COX15: variants seen among roughly 807,000 people sequenced by gnomAD.
COX15 encodes the protein cytochrome c oxidase assembly factor COX15, also known as heme A synthase COX15.
Under a neutral mutation model 51.9 loss-of-function variants are expected in COX15, and 51 were observed. That is an observed-to-expected ratio of 0.98 (90% CI 0.78 to 1.24). The LOEUF is 1.24. Among genes scored for constraint, COX15 ranks in the 50% most tolerant of loss-of-function variants. COX15 has a pLI of 0.00. For synonymous variants in COX15, 188 were observed against 190.5 expected (o/e 0.99, Z 0.11); for missense variants, 420 against 501.1 (o/e 0.84, Z 1.55).
Position 99,732,083 on chromosome 10 carries a change from C to T in COX15, c.-34G>A, listed in dbSNP as rs560511765. 3.1e-6 allele frequency: 5 copies of T among 1,602,314 alleles called. No individual in the cohort carries two copies. In the South Asian group the frequency reaches 4.5e-5, roughly 14 times the overall value. On this transcript the variant is annotated 5_prime_UTR_variant, in exon 1 of 9. Coordinates refer to ENST00000016171, the MANE Select transcript of COX15 (RefSeq NM_078470.6). ...CAGGGAACAGCCACCTCTTCCACAA[C>T]CCAGGGCTCTGTGGTCTCCCTCCTC...
chr10:99,713,170 A>G lies in COX15; in HGVS notation c.*1417T>C. On this transcript the variant is annotated 3_prime_UTR_variant, in exon 9 of 9. Transcript: ENST00000016171. ...ACCACTAATTTTTCTGTTATCATAT[A>G]ATAACAACATGAATACTACTTGGTT... is the stretch of plus-strand genomic sequence containing the variant. 1 of 1,355,570 alleles carries G rather than the reference A, an allele frequency of 7.4e-7. No homozygotes were observed. The highest frequency in any genetic ancestry group is 9.5e-7 in the Non-Finnish European group (1 of 1,047,314). The allele number at this position is 1,355,570 out of a possible 1,614,324, so 84.0% of individuals were successfully genotyped here. A position where few individuals can be genotyped will look rare whatever the true frequency, so the allele number is the denominator to read the frequency against.
At chr10:99,725,704 C>A (rs1408989176) in intron 4 of COX15, among the ~76,000 whole-genome samples, 2 of 152,176 alleles carry the variant, frequency 1.3e-5, no homozygotes, top group African/African-American at 4.8e-5. Flanking sequence ...GGACTACAGG[C>A]CCACGCCAGC....
At chr10:99,709,043 T>G (rs1263281719), downstream of COX15, 1 of 983,326 alleles carries the variant, frequency 1.0e-6, no homozygotes, top group African/African-American at 1.7e-5. Context: ...CTACATCTAT[T>G]CTTGTTCCTG....
chr10:99,720,501 C>T (rs925634754), intron 6 of COX15, among the ~76,000 whole-genome samples: 7 of 152,146 alleles, frequency 4.6e-5, no homozygotes, highest in African/African-American at 1.7e-4. Flanking sequence ...GAACTCTCCA[C>T]CTGCAACCAT....
At position 99,710,965 on chromosome 10, in the gene COX15, C is replaced by A. The variant is rs2036363220; in HGVS notation, c.*3622G>T. ...AAATATTAAGGGAAATCTATTTAATCCTATAGGTATGTGATGACTTGTTTT... is the reference window on the plus strand; with the variant it reads ...AAATATTAAGGGAAATCTATTTAATACTATAGGTATGTGATGACTTGTTTT... On this transcript the variant is annotated 3_prime_UTR_variant, in exon 9 of 9. Coordinates refer to ENST00000016171, the MANE Select transcript of COX15 (RefSeq NM_078470.6). 1.0e-6 allele frequency: 1 copy of A among 985,122 alleles called. No homozygotes were observed. The highest frequency in any genetic ancestry group is 1.7e-5 in the African/African-American group (1 of 57,176). 61.0% of individuals were successfully genotyped at this position (985,122 alleles called of 1,614,324 possible).
chr10:99,713,744 C>A lies in COX15; in HGVS notation c.*843G>T. ...CAGCACTTTGGGAAGCCGAGATGGG[C>A]GGATTACCTGAGGTCAGGAGTTCAA... On this transcript the variant is annotated 3_prime_UTR_variant, in exon 9 of 9. Transcript: ENST00000016171. 8.0e-6 allele frequency: 4 copies of A among 501,018 alleles called. No homozygotes were observed. The highest frequency in any genetic ancestry group is 1.0e-5 in the Non-Finnish European group (3 of 294,858). 31.0% of individuals were successfully genotyped at this position (501,018 alleles called of 1,614,324 possible). A position where few individuals can be genotyped will look rare whatever the true frequency, so the allele number is the denominator to read the frequency against.
In COX15 at chr10:99,719,680, G is replaced by A. The variant is rs1211766061; in HGVS notation, c.833-1180C>T. Reference sequence around the variant, plus strand: ...TAATTTTTGTATTTTTTGTAGAGACGAGGTTTCACCATGTTGCCCAGGCTG... The same window carrying A: ...TAATTTTTGTATTTTTTGTAGAGACAAGGTTTCACCATGTTGCCCAGGCTG... On this transcript the variant is annotated intron_variant, in intron 6 of 8. Coordinates refer to ENST00000016171, the MANE Select transcript of COX15 (RefSeq NM_078470.6). Among the ~76,000 whole-genome samples the A allele has an allele frequency of 5.3e-5, 8 of 151,952 alleles. No homozygotes were observed. The East Asian group carries it at 1.2e-3, about 22-fold the overall frequency.
chr10:99,702,474 TTC>T, the COX15 span: 1 of 1,495,322 alleles, frequency 6.7e-7, no homozygotes, highest in Non-Finnish European at 8.9e-7. Flanking sequence ...TAGAATTCTT[TTC>T]TCTTTTTTTA....
chr10:99,724,563 C>T (rs1355037783), intron 4 of COX15, among the ~76,000 whole-genome samples: 8 of 151,682 alleles, frequency 5.3e-5, no homozygotes, highest in Admixed American at 3.3e-4. Context: ...CTCCCCAATA[C>T]GCAGTGTCCC....
intron 8 of COX15, among the ~76,000 whole-genome samples, chr10:99,715,463 G>A (rs540969815): frequency 6.6e-6 from 1 of 152,078 alleles, no homozygotes; most frequent in Non-Finnish European, 1.5e-5. Flanking sequence ...TATTTAGGTT[G>A]TTTCCAATTT....
chr10:99,700,864 C>T, the COX15 span: 5 of 853,296 alleles, frequency 5.9e-6, no homozygotes, highest in South Asian at 5.9e-5. Flanking sequence ...TTTCCTTTGT[C>T]AGCTGGTAGC....
chr10:99,718,405 G>A lies in COX15; in HGVS notation c.928C>T (p.Pro310Ser), dbSNP rs1449076408. 2 of 1,613,950 alleles carry A rather than the reference G, an allele frequency of 1.2e-6. No individual in the cohort carries two copies. The highest frequency in any genetic ancestry group is 1.3e-5 in the African/African-American group (1 of 74,884). Reference sequence around the variant, plus strand: ...TTCTCAAAAACATTCCTCAGGATGGGGGAGAAGGTAAAGAGGTCCTCCGGG... The same window carrying A: ...TTCTCAAAAACATTCCTCAGGATGGAGGAGAAGGTAAAGAGGTCCTCCGGG... ...WIPEDLFTFS[P>S]ILRNVFENPT... Residue 310 changes from proline (P) to serine (S), a missense_variant, in exon 7 of 9, where the codon CCC becomes TCC. Coordinates refer to ENST00000016171, the MANE Select transcript of COX15 (RefSeq NM_078470.6).
chr10:99,714,270 G>A lies in COX15; in HGVS notation c.*317C>T, dbSNP rs796678570. 9.3e-6 allele frequency: 11 copies of A among 1,189,154 alleles called. No homozygotes were observed. The South Asian group carries it at 1.0e-4, about 11-fold the overall frequency. 73.7% of individuals were successfully genotyped at this position (1,189,154 alleles called of 1,614,324 possible). ...GAACATCCACGTAGAAATCATCCAC[G>A]TAGAACCAAGAGCTTGCCAACACTG... On this transcript the variant is annotated 3_prime_UTR_variant, in exon 9 of 9. Coordinates refer to ENST00000016171, the MANE Select transcript of COX15 (RefSeq NM_078470.6).
chr10:99,694,417 G>A, the COX15 span, among the ~76,000 whole-genome samples: 5 of 151,964 alleles, frequency 3.3e-5, no homozygotes, highest in African/African-American at 1.2e-4. Flanking sequence ...CAACCATGCT[G>A]TATTTTGTTT....
rs145528678 is a variant in COX15 at position 99,731,995 on chromosome 10, G to T, written c.55C>A (p.Pro19Thr). The T allele has an allele frequency of 6.2e-7, 1 of 1,612,774 alleles. No homozygotes were observed. The highest frequency in any genetic ancestry group is 8.5e-7 in the Non-Finnish European group (1 of 1,179,700). Residue 19 changes from proline (P) to threonine (T), a missense_variant, in exon 1 of 9, where the codon CCG becomes ACG. Pro to Thr is a conservative substitution (Grantham distance 38). Transcript: ENST00000016171. ...GGCGCTGCCCTAGGAGCCAGGAGCGGCAGATACTGCCTCCCCTTCAAGGCC... is the reference window on the plus strand; with the variant it reads ...GGCGCTGCCCTAGGAGCCAGGAGCGTCAGATACTGCCTCCCCTTCAAGGCC... The part of the protein sequence containing the change: ...LRALKGRQYL[P>T]LLAPRAAPRA...
In COX15 at chr10:99,710,986, G is replaced by T; in HGVS notation, c.*3601C>A. 1.0e-6 allele frequency: 1 copy of T among 984,966 alleles called. No homozygotes were observed. Among genetic ancestry groups the T allele is most frequent in the Non-Finnish European group, 1.2e-6 (1 of 829,708 alleles). The allele number at this position is 984,966 out of a possible 1,614,324, so 61.0% of individuals were successfully genotyped here. A position where few individuals can be genotyped will look rare whatever the true frequency, so the allele number is the denominator to read the frequency against. ...TAATCCTATAGGTATGTGATGACTT[G>T]TTTTTTTGGAAAAAGGTATTTGGAA... On this transcript the variant is annotated 3_prime_UTR_variant, in exon 9 of 9. Coordinates refer to ENST00000016171, the MANE Select transcript of COX15 (RefSeq NM_078470.6).
chr10:99,713,186 C>A lies in COX15; in HGVS notation c.*1401G>T. On this transcript the variant is annotated 3_prime_UTR_variant, in exon 9 of 9. Transcript: ENST00000016171. ...TTATCATATAATAACAACATGAATA[C>A]TACTTGGTTCATATTGAACCTGAGG... The A allele has an allele frequency of 1.0e-5, 14 of 1,376,686 alleles. No homozygotes were observed. The highest frequency in any genetic ancestry group is 1.2e-5 in the Non-Finnish European group (13 of 1,057,088). The allele number at this position is 1,376,686 out of a possible 1,614,324, so 85.3% of individuals were successfully genotyped here.
In COX15 at chr10:99,711,826, A is replaced by G. The variant is rs1189233812; in HGVS notation, c.*2761T>C. 2 of 985,158 alleles carry G rather than the reference A, an allele frequency of 2.0e-6. No individual in the cohort carries two copies. The highest frequency in any genetic ancestry group is 1.7e-5 in the African/African-American group (1 of 57,196). 61.0% of individuals were successfully genotyped at this position (985,158 alleles called of 1,614,324 possible). A position where few individuals can be genotyped will look rare whatever the true frequency, so the allele number is the denominator to read the frequency against. On this transcript the variant is annotated 3_prime_UTR_variant, in exon 9 of 9. Coordinates refer to ENST00000016171, the MANE Select transcript of COX15 (RefSeq NM_078470.6). ...CCTGTGTTAGTCGGCTTGCATTGCT[A>G]TAAGGAAATACTGACAATTTTTAGA... is the stretch of plus-strand genomic sequence containing the variant.
At chr10:99,698,771 C>T in the COX15 span, 493 of 1,614,238 alleles carry the variant, frequency 3.1e-4, 4 homozygotes, top group African/African-American at 5.5e-3. Flanking sequence ...GCGAGTTCTA[C>T]GGCTTCTCTG....
Sources: gnomAD v4.1 joint callset for allele counts (sites outside exome capture counted in the v4.1 genomes callset) on GRCh38, gnomAD v4.1.1 for gene constraint, MANE v1.5 for transcripts, NCBI Gene and HGNC (gene_info 2026-07-23, HGNC 2026-07-21) for gene names.